NRG1: variants seen among roughly 807,000 people sequenced by gnomAD.
NRG1 encodes pro-neuregulin-1, membrane-bound isoform.
Under a neutral mutation model 63.8 loss-of-function variants are expected in NRG1, and 18 were observed. The observed-to-expected ratio is 0.28, with a 90% confidence interval of 0.19 to 0.42. The LOEUF (loss-of-function observed/expected upper bound fraction) is 0.42, where lower values mean the gene tolerates loss of function less well. Ranked by LOEUF, NRG1 falls within the 10% of genes least tolerant of loss-of-function variation. NRG1 has a pLI of 1.00. For missense variants in NRG1, 762 were observed against 814.7 expected, an observed-to-expected ratio of 0.94 and a Z score of 0.79; for synonymous variants, 302 against 301.3, an observed-to-expected ratio of 1.00 and a Z score of -0.02.
At chr8:32,154,610 G>A (rs1837859111) in intron 1 of NRG1, among the ~76,000 whole-genome samples, 1 of 151,974 alleles carries the variant, frequency 6.6e-6, no homozygotes, top group Non-Finnish European at 1.5e-5. Context: ...AAGCGATTTT[G>A]AATTCTAGCC....
chr8:32,359,261 G>C (rs1047129623), intron 1 of NRG1, among the ~76,000 whole-genome samples: 15 of 152,098 alleles, frequency 9.9e-5, no homozygotes, highest in African/African-American at 3.6e-4. Flanking sequence ...ACCTATCTTT[G>C]ATTCATTCAC....
chr8:31,921,789 T>C (rs965106754), intron 1 of NRG1, among the ~76,000 whole-genome samples: 3 of 152,336 alleles, frequency 2.0e-5, no homozygotes, highest in East Asian at 1.9e-4. Context: ...GATTTTATTT[T>C]GTGGTATTGG....
chr8:32,729,930 A>G (rs190198399), intron 6 of NRG1, among the ~76,000 whole-genome samples: 1 of 152,260 alleles, frequency 6.6e-6, no homozygotes, highest in African/African-American at 2.4e-5. Flanking sequence ...TCTTTGAAAA[A>G]AGTAGATACA....
chr8:32,477,532 AG>A (rs1824682152), intron 1 of NRG1, among the ~76,000 whole-genome samples: 2 of 152,216 alleles, frequency 1.3e-5, no homozygotes, highest in Admixed American at 6.5e-5. Flanking sequence ...TTAACAAGTG[AG>A]ACATTGGGAT....
At position 32,119,469 on chromosome 8, in the gene NRG1, A is replaced by T. The variant is rs542283307; in HGVS notation, c.38-476359A>T. Among the ~76,000 whole-genome samples the T allele has an allele frequency of 3.3e-5, 5 of 152,186 alleles. No homozygotes were observed. In the South Asian group the frequency reaches 1.0e-3, roughly 32 times the overall value. ...TAACTTTAAAGGCAATCCATCTTCT[A>T]AGTCAGTGTGGCAGAGACTCTAGTT... On this transcript the variant is annotated intron_variant, in intron 1 of 10. Transcript: ENST00000519301.
chr8:32,674,469 T>G (rs1186516599), intron 5 of NRG1, among the ~76,000 whole-genome samples: 1 of 152,138 alleles, frequency 6.6e-6, no homozygotes, highest in African/African-American at 2.4e-5. Context: ...ATTGTAAATG[T>G]GTTGTTTTAA....
chr8:32,702,648 C>T (rs1004517747), intron 5 of NRG1, among the ~76,000 whole-genome samples: 1 of 152,062 alleles, frequency 6.6e-6, no homozygotes, highest in Non-Finnish European at 1.5e-5. Flanking sequence ...AATCCACACC[C>T]GGTTAACTTT....
chr8:31,640,311 G>C lies in NRG1; in HGVS notation c.37+880G>C, dbSNP rs904996404. 338 of 1,153,046 alleles carry C rather than the reference G, an allele frequency of 2.9e-4. 1 individual carries two copies. The highest frequency in any genetic ancestry group is 3.5e-4 in the Non-Finnish European group (332 of 938,552). 71.4% of individuals were successfully genotyped at this position (1,153,046 alleles called of 1,614,324 possible). A position where few individuals can be genotyped will look rare whatever the true frequency, so the allele number is the denominator to read the frequency against. On this transcript the variant is annotated intron_variant, in intron 1 of 10. Transcript: ENST00000519301. The surrounding 1 kb of genome is among the most constrained non-coding windows in gnomAD (Gnocchi z 6.3). ...CGGCGGCGGCGGCGGGCGAGGCAGG[G>C]GCGTGGGGCGGCGATCGCGAGCCGC...
Position 31,918,945 on chromosome 8 carries a change from C to T in NRG1, c.37+279514C>T, listed in dbSNP as rs1197502158. On this transcript the variant is annotated intron_variant, in intron 1 of 10. Transcript: ENST00000519301. ...TTTAGTCTTGGGAGAGTGTATGTGT[C>T]GAGGAATTTATCCATTTCTTCTAGA... Among the ~76,000 whole-genome samples the T allele has an allele frequency of 3.3e-5, 5 of 152,136 alleles. No individual in the cohort carries two copies. The East Asian group carries it at 5.8e-4, about 18-fold the overall frequency.
At chr8:31,746,365 T>C (rs6468065) in intron 1 of NRG1, among the ~76,000 whole-genome samples, 31,644 of 151,882 alleles carry the variant, frequency 0.21, 3,734 homozygotes, top group Non-Finnish European at 0.26. Context: ...CAGGATGGAA[T>C]TGGCCAATCA....
intron 5 of NRG1, among the ~76,000 whole-genome samples, chr8:32,678,959 G>T (rs547793529): frequency 2.6e-5 from 4 of 152,036 alleles, no homozygotes; most frequent in African/African-American, 9.6e-5. Context: ...GCTTGGGTAG[G>T]ATGTAAGTTG....
chr8:31,844,975 C>A (rs991181322), intron 1 of NRG1, among the ~76,000 whole-genome samples: 1 of 151,866 alleles, frequency 6.6e-6, no homozygotes, highest in Non-Finnish European at 1.5e-5. Context: ...GATGTGGTGG[C>A]GGGTGCCTGT....
chr8:32,361,816 TAC>T (rs1207916595), intron 1 of NRG1, among the ~76,000 whole-genome samples: 2 of 152,216 alleles, frequency 1.3e-5, no homozygotes, highest in Admixed American at 6.5e-5. Context: ...GCCTCAGTAA[TAC>T]ACAGTTTTTG....
At chr8:31,910,818 A>C (rs901720359) in intron 1 of NRG1, among the ~76,000 whole-genome samples, 2 of 152,188 alleles carry the variant, frequency 1.3e-5, no homozygotes, top group Non-Finnish European at 2.9e-5. Flanking sequence ...AGCAATGTGA[A>C]GGGAAGAGCA....
chr8:32,394,735 T>C (rs1237498188), intron 1 of NRG1, among the ~76,000 whole-genome samples: 1 of 152,156 alleles, frequency 6.6e-6, no homozygotes, highest in Non-Finnish European at 1.5e-5. Flanking sequence ...TCCCCCTTCA[T>C]AAAATCTGAC....
At chr8:32,369,847 G>A (rs1021918592) in intron 1 of NRG1, among the ~76,000 whole-genome samples, 12 of 152,156 alleles carry the variant, frequency 7.9e-5, no homozygotes, top group African/African-American at 1.9e-4. Flanking sequence ...TATTGGGACT[G>A]TGCAGAACTT....
At chr8:32,095,338 A>G (rs1829765820) in intron 1 of NRG1, among the ~76,000 whole-genome samples, 2 of 152,242 alleles carry the variant, frequency 1.3e-5, no homozygotes, top group Non-Finnish European at 2.9e-5. Flanking sequence ...CATCTCGTCA[A>G]GCAGAGTTTC....
At chr8:32,128,127 A>G (rs1310268270) in intron 1 of NRG1, among the ~76,000 whole-genome samples, 1 of 151,934 alleles carries the variant, frequency 6.6e-6, no homozygotes, top group Non-Finnish European at 1.5e-5. Flanking sequence ...TTGGCTGAAG[A>G]GAATGAGGTT....
chr8:31,704,243 T>C (rs578129254), intron 1 of NRG1, among the ~76,000 whole-genome samples: 1 of 152,334 alleles, frequency 6.6e-6, no homozygotes, highest in Non-Finnish European at 1.5e-5. Flanking sequence ...AACTCTAAAA[T>C]TTAACTAGTT....
Sources: allele counts gnomAD v4.1 joint callset (sites outside exome capture counted in the v4.1 genomes callset), GRCh38; gene constraint gnomAD v4.1.1; non-coding constraint Gnocchi (gnomAD v3.1); transcripts MANE v1.5; gene names NCBI Gene and HGNC (gene_info 2026-07-23, HGNC 2026-07-21).